Variants in NCAPH observed in about 807,000 individuals in gnomAD.
NCAPH encodes non-SMC condensin I complex subunit H, also known as condensin complex subunit 2.
NCAPH carries 38 observed loss-of-function variants against 85.5 expected under a neutral mutation model. That is an observed-to-expected ratio of 0.44 (90% CI 0.34 to 0.58). NCAPH has a LOEUF of 0.58. NCAPH is among the 20% of genes least tolerant of loss of function. The pLI, the probability that NCAPH is intolerant of heterozygous loss-of-function variation, is 0.01. For synonymous variants in NCAPH, 301 were observed against 335.1 expected (o/e 0.90, Z 1.11); for missense variants, 789 against 916.6 (o/e 0.86, Z 1.80).
intron 17 of NCAPH, among the ~76,000 whole-genome samples, chr2:96,371,589 C>T (rs1368030401): frequency 1.3e-5 from 2 of 152,170 alleles, no homozygotes; most frequent in African/African-American, 4.8e-5. Flanking sequence ...TTGCTGTGAT[C>T]AAGTCTCTTT....
In NCAPH at chr2:96,374,883, T is replaced by C. The variant is rs2104519548; in HGVS notation, c.*1532T>C. 6.6e-6 allele frequency among the ~76,000 whole-genome samples: 1 copy of C among 152,174 alleles called. No individual in the cohort carries two copies. The highest frequency in any genetic ancestry group is 6.5e-5 in the Admixed American group (1 of 15,282). On this transcript the variant is annotated 3_prime_UTR_variant, in exon 18 of 18. Transcript: ENST00000240423. ...AGCCCCACTTCTCTATAGTGGGTTC[T>C]GGGGGTGGGGGGCTGAATTACCAGT...
At chr2:96,339,978 A>T (rs931795580) in intron 1 of NCAPH, among the ~76,000 whole-genome samples, 1 of 152,078 alleles carries the variant, frequency 6.6e-6, no homozygotes, top group African/African-American at 2.4e-5. Context: ...GCTAGAGTGT[A>T]GTGGCGCCAT....
intron 9 of NCAPH, among the ~76,000 whole-genome samples, chr2:96,356,699 G>A (rs1052515363): frequency 9.2e-5 from 14 of 152,120 alleles, no homozygotes; most frequent in African/African-American, 3.4e-4. Flanking sequence ...ATCTCAGTGG[G>A]TAGAGGGGGC....
rs987166959 is a variant in NCAPH, at chr2:96,374,226, GC to G, written c.*877del. 3.7e-4 allele frequency among the ~76,000 whole-genome samples: 57 copies of G among 152,326 alleles called. No homozygotes were observed. The highest frequency in any genetic ancestry group is 1.3e-3 in the African/African-American group (56 of 41,574). On this transcript the variant is annotated 3_prime_UTR_variant, in exon 18 of 18. Transcript: ENST00000240423. ...CGGCAAACTGTCAGGGGTGGCCTGA[GC>G]CTGGCAATCTGCCTCCAGAGTCTGC... is the stretch of plus-strand genomic sequence containing the variant.
chr2:96,347,984 T>TATGTGTGTGTCAGCATTAACCGTGGGTG (rs2064383269), intron 6 of NCAPH, among the ~76,000 whole-genome samples: 1 of 152,032 alleles, frequency 6.6e-6, no homozygotes, highest in Non-Finnish European at 1.5e-5. Context: ...ATTTTTTCCT[T>TATGTGTGTGTCAGCATTAACCGTGGGTG]ATGTGTGTGT....
chr2:96,346,483 G>C (rs2064362887), intron 6 of NCAPH, among the ~76,000 whole-genome samples: 1 of 152,128 alleles, frequency 6.6e-6, no homozygotes, highest in Non-Finnish European at 1.5e-5. Flanking sequence ...TTTAATATGG[G>C]ATCCTGTTGA....
rs909434382 is a variant in NCAPH at position 96,374,727 on chromosome 2, G to T, written c.*1376G>T. On this transcript the variant is annotated 3_prime_UTR_variant, in exon 18 of 18. Coordinates refer to ENST00000240423, the MANE Select transcript of NCAPH (RefSeq NM_015341.5). Reference sequence around the variant, plus strand: ...CTTAGAAAAAGCAGTGGTGCCACAGGTGAGACTCCACACTCTGTCTTGCTG... The same window carrying T: ...CTTAGAAAAAGCAGTGGTGCCACAGTTGAGACTCCACACTCTGTCTTGCTG... Among the ~76,000 whole-genome samples, 1 of 152,200 alleles carries T rather than the reference G, an allele frequency of 6.6e-6. No individual in the cohort carries two copies. Among genetic ancestry groups the T allele is most frequent in the Non-Finnish European group, 1.5e-5 (1 of 68,034 alleles).
chr2:96,346,348 A>G (rs907662697), intron 6 of NCAPH, among the ~76,000 whole-genome samples: 1 of 152,120 alleles, frequency 6.6e-6, no homozygotes. Flanking sequence ...CTGTTAGACA[A>G]CTTAGGGTCT....
intron 10 of NCAPH, 133 bp from the exon 11 acceptor site, chr2:96,360,010 T>C: frequency 1.6e-6 from 1 of 628,516 alleles, no homozygotes; most frequent in Non-Finnish European, 2.9e-6. Flanking sequence ...GCACTCCTAC[T>C]GTTGTGATGC....
chr2:96,366,675 G>A (rs990996193), intron 14 of NCAPH, among the ~76,000 whole-genome samples: 3 of 152,000 alleles, frequency 2.0e-5, no homozygotes, highest in African/African-American at 4.8e-5. Flanking sequence ...TCAGGAGTTC[G>A]AGACCAGCCC....
chr2:96,361,285 G>A (rs2064605398), intron 12 of NCAPH, among the ~76,000 whole-genome samples: 1 of 151,734 alleles, frequency 6.6e-6, no homozygotes, highest in African/African-American at 2.4e-5. Context: ...CCTGACCTCA[G>A]GCGATCCACC....
At position 96,339,524 on chromosome 2, in the gene NCAPH, G is replaced by A. The variant is rs144505433; in HGVS notation, c.20-2118G>A. Among the ~76,000 whole-genome samples, 237 of 151,480 alleles carry A rather than the reference G, an allele frequency of 1.6e-3. 2 individuals are homozygous for A. Among genetic ancestry groups the A allele is most frequent in the African/African-American group, 5.0e-3 (206 of 41,252 alleles). On this transcript the variant is annotated intron_variant, in intron 1 of 17. Transcript: ENST00000240423. The stretch of plus-strand genomic sequence containing the variant: ...GGAGAATTGCTTGAACCTGGGAGGC[G>A]GAGTTGCAATGAGCTGAGATCCCGT...
In NCAPH at chr2:96,376,684, G is replaced by A. The variant is rs1218095519; in HGVS notation, c.*3333G>A. 6.6e-6 allele frequency among the ~76,000 whole-genome samples: 1 copy of A among 152,196 alleles called. No homozygotes were observed. The highest frequency in any genetic ancestry group is 1.9e-4 in the East Asian group (1 of 5,198). ...CTGCGGCAACGAGTTTGGTGTCCTG[G>A]AGCAAGGAAAGGAACCGTTCATGGT... On this transcript the variant is annotated 3_prime_UTR_variant, in exon 18 of 18. Coordinates refer to ENST00000240423, the MANE Select transcript of NCAPH (RefSeq NM_015341.5).
chr2:96,367,691 T>G (rs193074746), intron 15 of NCAPH, among the ~76,000 whole-genome samples: 1 of 152,322 alleles, frequency 6.6e-6, no homozygotes, highest in East Asian at 1.9e-4. Context: ...GACTTCATGC[T>G]TCTAAGAGAG....
At chr2:96,368,727 A>G (rs2064732652) in intron 15 of NCAPH, among the ~76,000 whole-genome samples, 1 of 151,906 alleles carries the variant, frequency 6.6e-6, no homozygotes. Context: ...GCACCCTAGG[A>G]CACTCTTTGC....
chr2:96,355,808 A>AT (rs2064517258), intron 9 of NCAPH, among the ~76,000 whole-genome samples: 1 of 151,378 alleles, frequency 6.6e-6, no homozygotes, highest in Admixed American at 6.6e-5. Flanking sequence ...TGCCTGACTA[A>AT]TTTTTTTATT....
chr2:96,351,965 G>T lies in NCAPH; in HGVS notation c.855G>T (p.Thr285=). 1.9e-6 allele frequency: 3 copies of T among 1,614,102 alleles called. No homozygotes were observed. The highest frequency in any genetic ancestry group is 2.5e-6 in the Non-Finnish European group (3 of 1,180,022). The stretch of plus-strand genomic sequence containing the variant: ...CCTCTGATGTCCAGACTCTCTCCAC[G>T]GGAGAACCTCTCGAGTTGCCAGAGT... ...LFPSDVQTLS[T]GEPLELPELG... The change falls in exon 7 of 18, where the codon ACG becomes ACT. Residue 285 remains threonine, a synonymous_variant. Coordinates refer to ENST00000240423, the MANE Select transcript of NCAPH (RefSeq NM_015341.5).
In NCAPH at chr2:96,354,191, G is replaced by A. The variant is rs530283845; in HGVS notation, c.1011G>A (p.Ser337=). 89 of 1,613,662 alleles carry A rather than the reference G, an allele frequency of 5.5e-5. 3 individuals carry two copies. The highest frequency in any genetic ancestry group is 4.5e-4 in the Admixed American group (27 of 59,958). The change falls in exon 9 of 18, where the codon TCG becomes TCA. Residue 337 remains serine, a synonymous_variant. Transcript: ENST00000240423. The part of the protein sequence containing the change: ...WDSETHNESV[S]ALVDKFKKND... ...CTCTTTTGTCCCTCCAGTCTGTGTC[G>A]GCCCTGGTAGACAAGTTTAAGAAGA...
Position 96,343,984 on chromosome 2 carries a change from G to C in NCAPH, c.596-121G>C. The C allele has an allele frequency of 4.6e-6, 6 of 1,296,734 alleles. No homozygotes were observed. The South Asian group carries it at 8.7e-5, about 19-fold the overall frequency. 80.3% of individuals were successfully genotyped at this position (1,296,734 alleles called of 1,614,324 possible). A position where few individuals can be genotyped will look rare whatever the true frequency, so the allele number is the denominator to read the frequency against. Reference sequence around the variant, plus strand: ...CCCAAAGCGCTAGGATTACAGGCATGAGCCACCACACCTGGCCTCACATGT... The same window carrying C: ...CCCAAAGCGCTAGGATTACAGGCATCAGCCACCACACCTGGCCTCACATGT... On this transcript the variant is annotated intron_variant, in intron 5 of 17. Transcript: ENST00000240423.
Sources: gnomAD v4.1 joint callset for allele counts (sites outside exome capture counted in the v4.1 genomes callset) on GRCh38, gnomAD v4.1.1 for gene constraint, MANE v1.5 for transcripts, NCBI Gene and HGNC (gene_info 2026-07-23, HGNC 2026-07-21) for gene names.